SLC24A2: variants seen among roughly 807,000 people sequenced by gnomAD.
SLC24A2 encodes solute carrier family 24 member 2.
SLC24A2 carries 36 observed loss-of-function variants against 62.0 expected under a neutral mutation model. That is an observed-to-expected ratio of 0.58 (90% CI 0.44 to 0.77). SLC24A2 has a LOEUF of 0.77. Ranked by LOEUF, SLC24A2 falls within the 30% of genes least tolerant of loss-of-function variation. The probability of loss-of-function intolerance (pLI) is 0.00; values close to 1 mark genes in which losing one functional copy is unlikely to be tolerated. For missense variants in SLC24A2, 846 were observed against 817.9 expected (o/e 1.03, Z -0.42); for synonymous variants, 358 against 294.0 (o/e 1.22, Z -2.23).
rs1416718103 is a variant in SLC24A2 at position 19,599,705 on chromosome 9, G to A, written c.1079-2426C>T. On this transcript the variant is annotated intron_variant, in intron 4 of 10. Coordinates refer to ENST00000341998, the MANE Select transcript of SLC24A2 (RefSeq NM_020344.4). The surrounding 1 kb of genome is among the most constrained non-coding windows in gnomAD (Gnocchi z 4.5). ...AGGTGCAGAAAGAGAAATGACATGC[G>A]ACTAGGACAAAAAGCATGCATGCAT... is the stretch of plus-strand genomic sequence containing the variant. 3.3e-5 allele frequency among the ~76,000 whole-genome samples: 5 copies of A among 152,084 alleles called. No homozygotes were observed. Among genetic ancestry groups the A allele is most frequent in the Non-Finnish European group, 5.9e-5 (4 of 68,024 alleles).
At position 19,632,814 on chromosome 9, in the gene SLC24A2, T is replaced by A. The variant is rs897030032; in HGVS notation, c.931-10515A>T. ...ATGGAACTCATTCAGATTTCACCAGTTATATGTGCACCTATTTGTGTTTGT... is the reference window on the plus strand; with the variant it reads ...ATGGAACTCATTCAGATTTCACCAGATATATGTGCACCTATTTGTGTTTGT... On this transcript the variant is annotated intron_variant, in intron 2 of 10. Transcript: ENST00000341998. The surrounding 1 kb of genome is among the most constrained non-coding windows in gnomAD (Gnocchi z 4.5). Among the ~76,000 whole-genome samples the A allele has an allele frequency of 5.9e-5, 9 of 152,180 alleles. No homozygotes were observed. The highest frequency in any genetic ancestry group is 1.9e-4 in the African/African-American group (8 of 41,448).
At chr9:19,569,733 C>T (rs1406719461) in intron 7 of SLC24A2, among the ~76,000 whole-genome samples, 1 of 152,126 alleles carries the variant, frequency 6.6e-6, no homozygotes, top group Non-Finnish European at 1.5e-5. Context: ...AGTCAGCTAC[C>T]CTATCATGAT....
chr9:19,608,460 G>C (rs1248351014), intron 4 of SLC24A2, among the ~76,000 whole-genome samples: 1 of 152,152 alleles, frequency 6.6e-6, no homozygotes, highest in African/African-American at 2.4e-5. Flanking sequence ...GACTTGGAAA[G>C]CCTTTACAGA....
At chr9:19,893,742 G>A in the SLC24A2 span, among the ~76,000 whole-genome samples, 2 of 150,656 alleles carry the variant, frequency 1.3e-5, no homozygotes, top group African/African-American at 4.8e-5. Flanking sequence ...GCAAGTGACA[G>A]GAACACAAGA....
the SLC24A2 span, among the ~76,000 whole-genome samples, chr9:20,228,256 C>G: frequency 2.0e-5 from 3 of 152,032 alleles, no homozygotes; most frequent in Non-Finnish European, 4.4e-5. Context: ...CAGTGGTTTC[C>G]AAGAATCAGG....
the SLC24A2 span, chr9:19,896,108 C>A: frequency 1.7e-6 from 1 of 592,256 alleles, no homozygotes; most frequent in Non-Finnish European, 3.0e-6. Context: ...TCTACTTCCG[C>A]CCTCCTGGAC....
chr9:20,107,078 T>A, the SLC24A2 span, among the ~76,000 whole-genome samples: 1 of 151,568 alleles, frequency 6.6e-6, no homozygotes, highest in African/African-American at 2.4e-5. Flanking sequence ...GAGCCATGAG[T>A]GAATTCCCAT....
chr9:19,583,504 T>A (rs549968580), intron 5 of SLC24A2, among the ~76,000 whole-genome samples: 2 of 152,344 alleles, frequency 1.3e-5, no homozygotes, highest in South Asian at 4.1e-4. Flanking sequence ...TTCACTGGTT[T>A]TGTTCACTGG....
At chr9:20,028,579 C>T in the SLC24A2 span, among the ~76,000 whole-genome samples, 9 of 152,324 alleles carry the variant, frequency 5.9e-5, no homozygotes, top group African/African-American at 2.2e-4. Context: ...CAAATGGCTC[C>T]CCACCCTGCC....
chr9:20,270,303 CATATCTCACACAT>C, the SLC24A2 span, among the ~76,000 whole-genome samples: 16 of 152,242 alleles, frequency 1.1e-4, no homozygotes, highest in Admixed American at 9.8e-4. Context: ...ACTGCCCTTC[CATATCTCACACAT>C]AAAGGAGATG....
At chr9:19,588,789 C>T (rs1387790876) in intron 5 of SLC24A2, among the ~76,000 whole-genome samples, 2 of 152,074 alleles carry the variant, frequency 1.3e-5, no homozygotes, top group Non-Finnish European at 2.9e-5. Flanking sequence ...GGTGAAACCC[C>T]GTCTCTACTA....
At chr9:20,207,326 T>C in the SLC24A2 span, among the ~76,000 whole-genome samples, 1 of 152,216 alleles carries the variant, frequency 6.6e-6, no homozygotes, top group Non-Finnish European at 1.5e-5. Context: ...CCCTGTAGCC[T>C]CACGACCACT....
At chr9:19,551,368 T>A (rs1219196150) in intron 7 of SLC24A2, among the ~76,000 whole-genome samples, 1 of 152,124 alleles carries the variant, frequency 6.6e-6, no homozygotes, top group African/African-American at 2.4e-5. Flanking sequence ...GCCACTGAAG[T>A]CAGTAGCTTC....
the SLC24A2 span, among the ~76,000 whole-genome samples, chr9:19,966,886 C>CTA: frequency 1.3e-5 from 2 of 152,108 alleles, no homozygotes; most frequent in Admixed American, 6.5e-5. Flanking sequence ...ACAGAGATGA[C>CTA]TACAAATAAA....
At chr9:19,535,168 G>T (rs555985360) in intron 8 of SLC24A2, among the ~76,000 whole-genome samples, 1 of 152,052 alleles carries the variant, frequency 6.6e-6, no homozygotes, top group Non-Finnish European at 1.5e-5. Context: ...TTTGAGAAGT[G>T]TGTCTGTTCA....
chr9:19,887,241 C>T, the SLC24A2 span, among the ~76,000 whole-genome samples: 1 of 152,132 alleles, frequency 6.6e-6, no homozygotes, highest in Non-Finnish European at 1.5e-5. Context: ...CCTTTCCCCA[C>T]TTTTTAATGG....
At chr9:19,603,163 A>AT (rs1022943750) in intron 4 of SLC24A2, among the ~76,000 whole-genome samples, 35 of 151,644 alleles carry the variant, frequency 2.3e-4, no homozygotes, top group African/African-American at 8.2e-4. Flanking sequence ...TGTGTTCTTA[A>AT]TTTTTTGTGG....
At chr9:20,235,711 C>G in the SLC24A2 span, among the ~76,000 whole-genome samples, 1 of 152,164 alleles carries the variant, frequency 6.6e-6, no homozygotes, top group South Asian at 2.1e-4. Flanking sequence ...TGCTTCGGCT[C>G]GCACACGGTG....
At chr9:20,229,862 T>C in the SLC24A2 span, among the ~76,000 whole-genome samples, 4 of 151,884 alleles carry the variant, frequency 2.6e-5, no homozygotes, top group Non-Finnish European at 5.9e-5. Context: ...TAGGTATATG[T>C]CCTAATGCCA....
Sources: allele counts gnomAD v4.1 joint callset (sites outside exome capture counted in the v4.1 genomes callset), GRCh38; gene constraint gnomAD v4.1.1; non-coding constraint Gnocchi (gnomAD v3.1); transcripts MANE v1.5; gene names NCBI Gene and HGNC (gene_info 2026-07-23, HGNC 2026-07-21).